ZSCAN5A: variants seen among roughly 807,000 people sequenced by gnomAD.
ZSCAN5A encodes the protein zinc finger and SCAN domain containing 5A, also known as zinc finger and SCAN domain-containing protein 5A.
ZSCAN5A carries 12 observed loss-of-function variants against 23.7 expected under a neutral mutation model. The observed-to-expected ratio is 0.51, with a 90% CI of 0.32 to 0.82. ZSCAN5A has a LOEUF of 0.82. Among genes scored for constraint, ZSCAN5A ranks in the 40% least tolerant of loss-of-function variants. The probability of loss-of-function intolerance (pLI) is 0.03; values close to 1 mark genes in which losing one functional copy is unlikely to be tolerated. For missense variants in ZSCAN5A, 597 were observed against 617.9 expected, an observed-to-expected ratio of 0.97 and a Z score of 0.36; for synonymous variants, 257 against 239.9, an observed-to-expected ratio of 1.07 and a Z score of -0.66.
At chr19:56,227,631 G>T (rs2034076384) in intron 2 of ZSCAN5A, among the ~76,000 whole-genome samples, 1 of 152,198 alleles carries the variant, frequency 6.6e-6, no homozygotes, top group Non-Finnish European at 1.5e-5. Context: ...TCAATTCTGG[G>T]AGTATATACC....
At chr19:56,270,134 A>C (rs1425195057) in intron 2 of ZSCAN5A, among the ~76,000 whole-genome samples, 3 of 133,636 alleles carry the variant, frequency 2.2e-5, no homozygotes, top group African/African-American at 5.7e-5. Flanking sequence ...GGATCTCACA[A>C]ACATCACGCT....
chr19:56,249,016 C>G (rs146342773), intron 2 of ZSCAN5A, among the ~76,000 whole-genome samples: 54 of 152,214 alleles, frequency 3.5e-4, no homozygotes, highest in South Asian at 6.2e-4. Context: ...CACTGCCCCC[C>G]CCGAATCCTC....
intron 2 of ZSCAN5A, among the ~76,000 whole-genome samples, chr19:56,250,046 G>A (rs192174170): frequency 6.6e-6 from 1 of 152,256 alleles, no homozygotes; most frequent in Non-Finnish European, 1.5e-5. Flanking sequence ...TAATTTAAAG[G>A]AATGTAAACA....
intron 2 of ZSCAN5A, among the ~76,000 whole-genome samples, chr19:56,337,861 C>G (rs2041555205): frequency 6.6e-6 from 1 of 152,176 alleles, no homozygotes; most frequent in African/African-American, 2.4e-5. Flanking sequence ...TGCTTTACAT[C>G]CTGGTCAATA....
At chr19:56,331,761 T>C (rs1468822970) in intron 2 of ZSCAN5A, among the ~76,000 whole-genome samples, 2 of 151,798 alleles carry the variant, frequency 1.3e-5, no homozygotes, top group South Asian at 2.1e-4. Flanking sequence ...CTAATTTTTG[T>C]ATTTTGGTAG....
At position 56,221,662 on chromosome 19, in the gene ZSCAN5A, G is replaced by A. The variant is rs771480317; in HGVS notation, c.1404C>T (p.Tyr468=). The A allele has an allele frequency of 8.7e-6, 14 of 1,614,120 alleles. No individual in the cohort carries two copies. Among genetic ancestry groups the A allele is most frequent in the Non-Finnish European group, 3.4e-6 (4 of 1,180,048 alleles). The change falls in exon 6 of 6, where the codon TAC becomes TAT. Residue 468 remains tyrosine (Y), a synonymous_variant. Transcript: ENST00000683990. ...AGGCTCTTGGACACTTGGAACATTTGTAGGGTTTCTCTCCGGAGTGGATGC... is the reference window on the plus strand; with the variant it reads ...AGGCTCTTGGACACTTGGAACATTTATAGGGTTTCTCTCCGGAGTGGATGC... ...HQRIHSGEKP[Y]KCSKCPRAFS...
chr19:56,264,928 C>G (rs1318710775), intron 2 of ZSCAN5A, among the ~76,000 whole-genome samples: 1 of 152,100 alleles, frequency 6.6e-6, no homozygotes, highest in Admixed American at 6.5e-5. Context: ...TCAAGGCCAG[C>G]CTGGCAGACA....
chr19:56,275,422 C>A (rs114524515), intron 2 of ZSCAN5A, among the ~76,000 whole-genome samples: 1 of 152,046 alleles, frequency 6.6e-6, no homozygotes, highest in Non-Finnish European at 1.5e-5. Context: ...TTTATATCAG[C>A]GTGAACTCAG....
At chr19:56,222,536 C>G in intron 5 of ZSCAN5A, 55 bp downstream of exon 5, 1 of 1,593,546 alleles carries the variant, frequency 6.3e-7, no homozygotes, top group Non-Finnish European at 8.5e-7. Flanking sequence ...GGCCCCCAGC[C>G]CCGCACCCCA....
chr19:56,222,757 C>T lies in ZSCAN5A; in HGVS notation c.589-16G>A, dbSNP rs954789898. On this transcript the variant is annotated splice_polypyrimidine_tract_variant and intron_variant, in intron 4 of 5. Coordinates refer to ENST00000683990, the MANE Select transcript of ZSCAN5A (RefSeq NM_001322064.3). The stretch of plus-strand genomic sequence containing the variant: ...AGTCCTCTCCCTGAAGAGGAAAAAC[C>T]AAGAGTAATGACTGCTGTGTCCAAA... 4 of 1,614,102 alleles carry T rather than the reference C, an allele frequency of 2.5e-6. No individual in the cohort carries two copies. The highest frequency in any genetic ancestry group is 3.4e-6 in the Non-Finnish European group (4 of 1,179,994).
At position 56,221,757 on chromosome 19, in the gene ZSCAN5A, C is replaced by G; in HGVS notation, c.1309G>C (p.Glu437Gln). ...LKCHKRSHTG[E>Q]KPFECKDCKK... ...CAGTCTTTACATTCGAAGGGCTTCTCCCCTGTGTGGCTTCTCTTGTGACAC... is the reference window on the plus strand; with the variant it reads ...CAGTCTTTACATTCGAAGGGCTTCTGCCCTGTGTGGCTTCTCTTGTGACAC... The change falls in exon 6 of 6, where the codon GAG becomes CAG. Residue 437 changes from glutamate (E) to glutamine (Q), a missense_variant. Physicochemically the swap from Glu to Gln is conservative, Grantham distance 29 (BLOSUM62 2). This residue lies in a region of ZSCAN5A where 87 missense variants were observed against 74.4 expected (regional missense o/e 1.17). Transcript: ENST00000683990. 3.7e-6 allele frequency: 6 copies of G among 1,614,210 alleles called. No individual in the cohort carries two copies. Among genetic ancestry groups the G allele is most frequent in the Non-Finnish European group, 5.1e-6 (6 of 1,180,034 alleles).
chr19:56,252,728 A>G (rs2036430991), intron 2 of ZSCAN5A, among the ~76,000 whole-genome samples: 1 of 152,238 alleles, frequency 6.6e-6, no homozygotes, highest in Non-Finnish European at 1.5e-5. Context: ...ATGAACCTCA[A>G]CGTCTGGGTG....
At chr19:56,272,993 C>G (rs1456233228) in intron 2 of ZSCAN5A, 2 of 565,278 alleles carry the variant, frequency 3.5e-6, no homozygotes, top group Non-Finnish European at 4.5e-6. Context: ...GGGCTGGATT[C>G]AGAGAGAAGC....
intron 2 of ZSCAN5A, among the ~76,000 whole-genome samples, chr19:56,248,879 C>T (rs2146715042): frequency 6.6e-6 from 1 of 152,208 alleles, no homozygotes; most frequent in East Asian, 1.9e-4. Flanking sequence ...GTGAGCCTGC[C>T]TGGACATATC....
intron 2 of ZSCAN5A, chr19:56,320,148 G>A (rs1600279456): frequency 5.4e-6 from 4 of 735,996 alleles, no homozygotes; most frequent in Middle Eastern, 6.5e-4. Context: ...AGTTTAGTCT[G>A]TTTCATAATA....
chr19:56,323,619 C>G (rs1163663803), intron 2 of ZSCAN5A, among the ~76,000 whole-genome samples: 1 of 150,760 alleles, frequency 6.6e-6, no homozygotes, highest in African/African-American at 2.5e-5. Flanking sequence ...TCACTGCAAC[C>G]TCCGCCTCCC....
intron 2 of ZSCAN5A, chr19:56,303,044 G>T: frequency 2.5e-6 from 1 of 395,644 alleles, no homozygotes; most frequent in Non-Finnish European, 4.4e-6. Context: ...GCTCATGGAA[G>T]CCTTTCTGCA....
At chr19:56,234,022 G>A (rs1169258803) in intron 2 of ZSCAN5A, among the ~76,000 whole-genome samples, 1 of 152,150 alleles carries the variant, frequency 6.6e-6, no homozygotes, top group Non-Finnish European at 1.5e-5. Flanking sequence ...ACCAGCCTGG[G>A]CAACATAGTG....
intron 2 of ZSCAN5A, among the ~76,000 whole-genome samples, chr19:56,276,345 A>G (rs368507955): frequency 6.6e-6 from 1 of 152,148 alleles, no homozygotes; most frequent in East Asian, 1.9e-4. Flanking sequence ...AGAGAGGCCT[A>G]TTCGGAAAAT....
Sources: gnomAD v4.1 joint callset for allele counts (sites outside exome capture counted in the v4.1 genomes callset) on GRCh38, gnomAD v4.1.1 for gene constraint, gnomAD v4.1.1 regional missense constraint, MANE v1.5 for transcripts, NCBI Gene and HGNC (gene_info 2026-07-23, HGNC 2026-07-21) for gene names.